MINAR1: variants seen among roughly 807,000 people sequenced by gnomAD.
MINAR1 encodes membrane integral NOTCH2 associated receptor 1, also known as major intrinsically disordered Notch2-binding receptor 1.
Under a neutral mutation model 65.1 loss-of-function variants are expected in MINAR1, and 40 were observed. That is an observed-to-expected ratio of 0.61 (90% confidence interval 0.48 to 0.80). MINAR1 has a LOEUF of 0.80. Ranked by LOEUF, MINAR1 falls within the 30% of genes least tolerant of loss-of-function variation. The pLI, the probability that MINAR1 is intolerant of heterozygous loss-of-function variation, is 0.00. For missense variants in MINAR1, 1,128 were observed against 1,148.0 expected (o/e 0.98, Z 0.25); for synonymous variants, 482 against 449.1 (o/e 1.07, Z -0.93).
chr15:79,419,399 G>A, the MINAR1 span: 2 of 152,262 alleles, frequency 1.3e-5, no homozygotes, highest in African/African-American at 4.8e-5. Flanking sequence ...GACTTCAAGT[G>A]GGATCTGAAT....
chr15:79,436,741 C>T (rs372502765), intron 1 of MINAR1, among the ~76,000 whole-genome samples: 1 of 152,202 alleles, frequency 6.6e-6, no homozygotes, highest in East Asian at 1.9e-4. Context: ...CATGATTTAT[C>T]GAACACAACT....
the MINAR1 span, chr15:79,420,894 C>T: frequency 6.6e-6 from 1 of 152,314 alleles, no homozygotes; most frequent in Admixed American, 6.5e-5. Context: ...AAATAGCTTC[C>T]AGGAGCTCCA....
chr15:79,461,969 G>T (rs1384754767), intron 2 of MINAR1, among the ~76,000 whole-genome samples: 1 of 152,166 alleles, frequency 6.6e-6, no homozygotes, highest in Non-Finnish European at 1.5e-5. Flanking sequence ...AACTCTCATT[G>T]CATCACACCT....
At chr15:79,420,105 T>G in the MINAR1 span, 1 of 152,238 alleles carries the variant, frequency 6.6e-6, no homozygotes, top group South Asian at 2.1e-4. Context: ...GACTATTATG[T>G]ATGAATGAAA....
the MINAR1 span, chr15:79,421,132 T>C: frequency 2.0e-5 from 3 of 152,102 alleles, no homozygotes; most frequent in African/African-American, 4.8e-5. Flanking sequence ...AGTAATGCAG[T>C]AAAAAAATTA....
chr15:79,448,153 G>T (rs1245608535), intron 1 of MINAR1, among the ~76,000 whole-genome samples: 2 of 152,236 alleles, frequency 1.3e-5, no homozygotes, highest in Non-Finnish European at 2.9e-5. Context: ...ATTTTGAGGT[G>T]TTCATAATCA....
rs1896061369 is a variant in MINAR1, at chr15:79,471,086, A to G, written c.*2702A>G. ...GAGTCTGGCTAGGAGGGAAACATCT[A>G]TCCATCTCTCTAATCTTTGCCCATC... On this transcript the variant is annotated 3_prime_UTR_variant, in exon 4 of 4. Transcript: ENST00000305428. The G allele has an allele frequency of 6.6e-6, 1 of 152,018 alleles. No homozygotes were observed. Among genetic ancestry groups the G allele is most frequent in the Non-Finnish European group, 1.5e-5 (1 of 68,020 alleles). 9.4% of individuals were successfully genotyped at this position (152,018 alleles called of 1,614,324 possible).
At chr15:79,427,603 T>C (rs1894343315), upstream of MINAR1, among the ~76,000 whole-genome samples, 1 of 152,180 alleles carries the variant, frequency 6.6e-6, no homozygotes, top group Admixed American at 6.5e-5. Flanking sequence ...GTCCTGCCAC[T>C]CGTGGAATTC....
intron 2 of MINAR1, 29 bp from the exon 3 acceptor site, chr15:79,463,038 T>A (rs372557062): frequency 1.6e-5 from 26 of 1,592,812 alleles, no homozygotes; most frequent in Non-Finnish European, 2.2e-5. Flanking sequence ...CTGTGCCACT[T>A]GTCTGGACTT....
At chr15:79,460,207 C>T (rs1271099465) in intron 2 of MINAR1, among the ~76,000 whole-genome samples, 1 of 152,218 alleles carries the variant, frequency 6.6e-6, no homozygotes, top group East Asian at 1.9e-4. Context: ...TTGTGACTCT[C>T]ACCACCTTGG....
At position 79,468,434 on chromosome 15, in the gene MINAR1, T is replaced by C; in HGVS notation, c.*50T>C. ...GCTTATGACTACCAATGTCGTCGTC[T>C]GTATCTTAGAATCTTGCAGCAGTGA... is the stretch of plus-strand genomic sequence containing the variant. On this transcript the variant is annotated 3_prime_UTR_variant, in exon 4 of 4. Transcript: ENST00000305428. 6.5e-7 allele frequency: 1 copy of C among 1,528,406 alleles called. No individual in the cohort carries two copies. Among genetic ancestry groups the C allele is most frequent in the African/African-American group, 1.4e-5 (1 of 73,146 alleles). 94.7% of individuals were successfully genotyped at this position (1,528,406 alleles called of 1,614,324 possible).
At chr15:79,456,047 G>A (rs1382117022) in intron 1 of MINAR1, 51 bp from the exon 2 acceptor site, 5 of 1,151,204 alleles carry the variant, frequency 4.3e-6, no homozygotes, top group East Asian at 2.5e-5. Flanking sequence ...AAACTCCACT[G>A]GTGTTTATAA....
intron 1 of MINAR1, among the ~76,000 whole-genome samples, chr15:79,437,699 GTGGGGTGTGGGTGT>G: frequency 1.2e-5 from 1 of 86,456 alleles, no homozygotes; most frequent in Non-Finnish European, 2.6e-5. Flanking sequence ...TAGTGAGTGT[GTGGGGTGTGGGTGT>G]GGGTGGGTAG....
chr15:79,451,618 G>A (rs910750801), intron 1 of MINAR1, among the ~76,000 whole-genome samples: 6 of 147,994 alleles, frequency 4.1e-5, no homozygotes, highest in Non-Finnish European at 9.1e-5. Flanking sequence ...ATGATTTTCG[G>A]ATCTCTGCTG....
the MINAR1 span, chr15:79,411,480 A>T: frequency 1.4e-6 from 1 of 702,318 alleles, no homozygotes; most frequent in African/African-American, 1.7e-5. Flanking sequence ...CCACCGAGGG[A>T]CTGGGACGAC....
upstream of MINAR1, among the ~76,000 whole-genome samples, chr15:79,428,357 C>CTT (rs145215503): frequency 1.0e-4 from 10 of 100,436 alleles, no homozygotes; most frequent in Non-Finnish European, 1.4e-4. Context: ...CTCCTTGCCT[C>CTT]CTTTTCTTCT....
intron 2 of MINAR1, among the ~76,000 whole-genome samples, chr15:79,461,962 TCTCATTGCATCACAC>T (rs1422824284): frequency 6.6e-6 from 1 of 152,200 alleles, no homozygotes; most frequent in Non-Finnish European, 1.5e-5. Context: ...GCACATCAAC[TCTCATTGCATCACAC>T]CTAAACATTC....
At chr15:79,468,094 A>G in intron 3 of MINAR1, 93 bp from the exon 4 acceptor site, 1 of 982,320 alleles carries the variant, frequency 1.0e-6, no homozygotes, top group Non-Finnish European at 1.5e-6. Flanking sequence ...AGCTGCAGAC[A>G]ACTTAAGTGC....
intron 1 of MINAR1, among the ~76,000 whole-genome samples, chr15:79,437,612 ATGAG>A (rs912837730): frequency 1.2e-4 from 14 of 119,488 alleles, no homozygotes; most frequent in East Asian, 8.7e-4. Flanking sequence ...TGGAGAGGTA[ATGAG>A]TGAGTGTAGG....
Sources: gnomAD v4.1 joint callset for allele counts (sites outside exome capture counted in the v4.1 genomes callset) on GRCh38, gnomAD v4.1.1 for gene constraint, MANE v1.5 for transcripts, NCBI Gene and HGNC (gene_info 2026-07-23, HGNC 2026-07-21) for gene names.